RELL1: variants seen among roughly 807,000 people sequenced by gnomAD.
RELL1 encodes RELT like 1, also known as RELT-like protein 1.
Under a neutral mutation model 23.0 loss-of-function variants are expected in RELL1, and 10 were observed. The observed-to-expected ratio is 0.43, with a 90% CI of 0.27 to 0.74. The LOEUF is 0.74. Ranked by LOEUF, RELL1 falls within the 30% of genes least tolerant of loss-of-function variation. RELL1 has a pLI of 0.19. For synonymous variants in RELL1, 146 were observed against 146.8 expected (o/e 0.99, Z 0.04); for missense variants, 315 against 364.4 (o/e 0.86, Z 1.10).
intron 6 of RELL1, among the ~76,000 whole-genome samples, chr4:37,599,095 T>C (rs558215035): frequency 6.6e-6 from 1 of 152,218 alleles, no homozygotes; most frequent in African/African-American, 2.4e-5. Flanking sequence ...CAATTTTGTA[T>C]ATGTAAAATT....
intron 3 of RELL1, among the ~76,000 whole-genome samples, chr4:37,645,888 G>C (rs1206584058): frequency 6.6e-6 from 1 of 152,216 alleles, no homozygotes; most frequent in African/African-American, 2.4e-5. Context: ...CCGTTGAAGA[G>C]AGTCAAACTG....
At chr4:37,672,463 T>G (rs949262822) in intron 1 of RELL1, among the ~76,000 whole-genome samples, 1 of 151,872 alleles carries the variant, frequency 6.6e-6, no homozygotes, top group African/African-American at 2.4e-5. Context: ...AAGTCAAGAG[T>G]CTTTACTCAC....
chr4:37,624,470 AGTGCAGTGCAGT>A (rs1719873791), intron 6 of RELL1, among the ~76,000 whole-genome samples: 1 of 135,404 alleles, frequency 7.4e-6, no homozygotes, highest in African/African-American at 2.9e-5. Flanking sequence ...CCCAGGCTGG[AGTGCAGTGCAGT>A]GTGCAATCTC....
intron 6 of RELL1, among the ~76,000 whole-genome samples, chr4:37,619,161 G>A (rs1015415659): frequency 6.6e-6 from 1 of 151,582 alleles, no homozygotes; most frequent in South Asian, 2.1e-4. Flanking sequence ...TCACAGGCGT[G>A]AGCCACTGCA....
At chr4:37,657,611 T>C (rs906599188) in intron 1 of RELL1, among the ~76,000 whole-genome samples, 2 of 152,120 alleles carry the variant, frequency 1.3e-5, no homozygotes, top group African/African-American at 4.8e-5. Flanking sequence ...TGGAAGAAAG[T>C]TGCGGGAACA....
chr4:37,621,577 T>C (rs1577569559), intron 6 of RELL1, among the ~76,000 whole-genome samples: 1 of 152,236 alleles, frequency 6.6e-6, no homozygotes, highest in East Asian at 1.9e-4. Context: ...GCCTTTCATT[T>C]TCCGCTTCCC....
intron 6 of RELL1, among the ~76,000 whole-genome samples, chr4:37,594,501 T>C (rs1318801131): frequency 6.6e-6 from 1 of 152,186 alleles, no homozygotes; most frequent in African/African-American, 2.4e-5. Flanking sequence ...TGAATTAAGA[T>C]TATTTTATGT....
intron 1 of RELL1, among the ~76,000 whole-genome samples, chr4:37,650,879 T>C (rs1183578411): frequency 1.3e-5 from 2 of 150,974 alleles, no homozygotes; most frequent in African/African-American, 4.9e-5. Context: ...GGCAACATGG[T>C]GAAACCCCGT....
At chr4:37,591,178 TG>T in exon 7 of RELL1, 1 of 587,392 alleles carries the variant, frequency 1.7e-6, no homozygotes, top group Non-Finnish European at 3.0e-6. Flanking sequence ...GTCACATATC[TG>T]GAGTTTCACT....
At chr4:37,605,340 A>T (rs377048310) in intron 6 of RELL1, among the ~76,000 whole-genome samples, 9 of 152,196 alleles carry the variant, frequency 5.9e-5, no homozygotes, top group African/African-American at 1.9e-4. Flanking sequence ...ATTTCTAAAC[A>T]TCATTGTCCA....
chr4:37,617,479 T>C (rs1389504747), intron 6 of RELL1, among the ~76,000 whole-genome samples: 2 of 152,104 alleles, frequency 1.3e-5, no homozygotes, highest in South Asian at 2.1e-4. Flanking sequence ...ACTGAAATAT[T>C]AATTAAAAAC....
At chr4:37,608,331 C>A (rs1350611277), downstream of RELL1, among the ~76,000 whole-genome samples, 1 of 152,076 alleles carries the variant, frequency 6.6e-6, no homozygotes, top group Non-Finnish European at 1.5e-5. Flanking sequence ...GCCTCCTGTA[C>A]CAAATAGTTA....
downstream of RELL1, among the ~76,000 whole-genome samples, chr4:37,589,491 G>C (rs1191319133): frequency 6.6e-6 from 1 of 152,012 alleles, no homozygotes. Context: ...CCACTGAGAG[G>C]ATATACTCCT....
chr4:37,618,265 C>T (rs930741339), intron 6 of RELL1, among the ~76,000 whole-genome samples: 4 of 151,738 alleles, frequency 2.6e-5, no homozygotes, highest in Non-Finnish European at 5.9e-5. Flanking sequence ...GGCTGGAGTA[C>T]AGTGGCACAA....
chr4:37,656,819 G>T (rs558626352), intron 1 of RELL1, among the ~76,000 whole-genome samples: 1 of 152,314 alleles, frequency 6.6e-6, no homozygotes, highest in East Asian at 1.9e-4. Context: ...TTTTGTCACT[G>T]ATGTCATGAA....
rs748807141 is a variant in RELL1, at chr4:37,686,180, G to A, written c.88+20C>T. The stretch of plus-strand genomic sequence containing the variant: ...GACCGGGCTCAGCACCCGGCGCCCC[G>A]GCTACGACCGGACACTCACCCGGAG... On this transcript the variant is annotated intron_variant, in intron 1 of 6. Coordinates refer to ENST00000454158, the MANE Select transcript of RELL1 (RefSeq NM_001085400.2). 1.5e-5 allele frequency: 24 copies of A among 1,564,776 alleles called. No individual in the cohort carries two copies. The highest frequency in any genetic ancestry group is 5.7e-5 in the South Asian group (5 of 87,152).
intron 2 of RELL1, among the ~76,000 whole-genome samples, chr4:37,648,518 C>A (rs576670526): frequency 1.3e-5 from 2 of 152,348 alleles, no homozygotes; most frequent in Admixed American, 6.5e-5. Context: ...TACTACCTCT[C>A]AAGGCCCAAG....
chr4:37,598,095 AACTCCTCC>A (rs1718921458), intron 6 of RELL1, among the ~76,000 whole-genome samples: 2 of 143,448 alleles, frequency 1.4e-5, no homozygotes, highest in African/African-American at 5.1e-5. Context: ...ATATATATAT[AACTCCTCC>A]TATAGCTACT....
At chr4:37,646,444 G>T (rs1488498952) in intron 3 of RELL1, among the ~76,000 whole-genome samples, 1 of 152,170 alleles carries the variant, frequency 6.6e-6, no homozygotes, top group Admixed American at 6.5e-5. Context: ...GGGGAGGAGG[G>T]AATGGGGAGT....
Sources: allele counts gnomAD v4.1 joint callset (sites outside exome capture counted in the v4.1 genomes callset), GRCh38; gene constraint gnomAD v4.1.1; transcripts MANE v1.5; gene names NCBI Gene and HGNC (gene_info 2026-07-23, HGNC 2026-07-21).